Variants in STON2 observed in about 807,000 individuals in gnomAD.
The protein encoded by STON2 is stonin-2.
STON2 carries 29 observed loss-of-function variants against 65.7 expected under a neutral mutation model. That is an observed-to-expected ratio of 0.44 (90% confidence interval 0.33 to 0.60). The LOEUF is 0.60. STON2 is among the 20% of genes least tolerant of loss of function. STON2 has a pLI of 0.03. For synonymous variants in STON2, 404 were observed against 414.2 expected (o/e 0.98, Z 0.30); for missense variants, 1,054 against 1,118.1 (o/e 0.94, Z 0.82).
chr14:81,366,911 G>A lies in STON2; in HGVS notation c.571+4077C>T, dbSNP rs538067621. On this transcript the variant is annotated intron_variant, in intron 4 of 7. Coordinates refer to ENST00000614646, the MANE Select transcript of STON2 (RefSeq NM_001394390.1). ...CCTGTCACCCTGACTGAGCAGGATC[G>A]CTCAGTTCCATTTTACAGATAAGAA... Among the ~76,000 whole-genome samples the A allele has an allele frequency of 2.6e-5, 4 of 152,158 alleles. No individual in the cohort carries two copies. In the South Asian group the frequency reaches 8.3e-4, roughly 32 times the overall value.
chr14:81,387,757 T>A (rs1474780334), intron 3 of STON2, among the ~76,000 whole-genome samples: 1 of 150,960 alleles, frequency 6.6e-6, no homozygotes, highest in Non-Finnish European at 1.5e-5. Context: ...CCAGGCATGG[T>A]GGCGGGTGCC....
intron 2 of STON2, among the ~76,000 whole-genome samples, chr14:81,426,829 A>G (rs1901999601): frequency 6.6e-6 from 1 of 152,230 alleles, no homozygotes; most frequent in African/African-American, 2.4e-5. Context: ...TCGTTTGAGC[A>G]TAACTCACCG....
chr14:81,381,549 GCT>G (rs3044277), intron 3 of STON2, among the ~76,000 whole-genome samples: 81,806 of 151,702 alleles, frequency 0.54, 23,105 homozygotes, highest in East Asian at 0.73. Flanking sequence ...AAAAAAGGAT[GCT>G]CTCAACCTTG....
chr14:81,401,539 C>T (rs1489877530), upstream of STON2, among the ~76,000 whole-genome samples: 7 of 152,148 alleles, frequency 4.6e-5, no homozygotes, highest in African/African-American at 1.7e-4. Flanking sequence ...CAGCTGGAAA[C>T]CCACAGAAGA....
At chr14:81,386,057 A>C (rs536698970) in intron 3 of STON2, among the ~76,000 whole-genome samples, 1 of 152,204 alleles carries the variant, frequency 6.6e-6, no homozygotes, top group African/African-American at 2.4e-5. Flanking sequence ...CGAGAGAGGC[A>C]GTGCAATTAC....
intron 7 of STON2, chr14:81,269,699 C>T: frequency 1.0e-6 from 1 of 985,154 alleles, no homozygotes; most frequent in Non-Finnish European, 1.2e-6. Flanking sequence ...CCATATAAAT[C>T]CAAGGATATT....
intron 2 of STON2, among the ~76,000 whole-genome samples, chr14:81,411,798 G>A (rs1901175349): frequency 6.6e-6 from 1 of 152,218 alleles, no homozygotes; most frequent in African/African-American, 2.4e-5. Flanking sequence ...CTTACATCAT[G>A]AGGGAAAAGG....
At chr14:81,307,958 C>T (rs1426236556) in intron 5 of STON2, among the ~76,000 whole-genome samples, 2 of 152,124 alleles carry the variant, frequency 1.3e-5, no homozygotes, top group Non-Finnish European at 2.9e-5. Flanking sequence ...TTGGGGGTGG[C>T]ATTCCTAACT....
intron 6 of STON2, among the ~76,000 whole-genome samples, chr14:81,274,810 C>G (rs1254379098): frequency 1.3e-5 from 2 of 152,028 alleles, no homozygotes; most frequent in East Asian, 1.9e-4. Flanking sequence ...AAGACTGATG[C>G]AGGAGAATCG....
intron 3 of STON2, among the ~76,000 whole-genome samples, chr14:81,381,115 T>C (rs747015275): frequency 6.6e-6 from 1 of 152,168 alleles, no homozygotes; most frequent in Non-Finnish European, 1.5e-5. Flanking sequence ...CAATAAAACA[T>C]TGTATTAGAA....
chr14:81,303,243 C>A, intron 5 of STON2, among the ~76,000 whole-genome samples: 1 of 152,090 alleles, frequency 6.6e-6, no homozygotes, highest in East Asian at 1.9e-4. Context: ...GAAGGGCAAG[C>A]CTTCAATGTG....
chr14:81,420,606 T>C (rs1017141258), intron 2 of STON2, among the ~76,000 whole-genome samples: 8 of 152,074 alleles, frequency 5.3e-5, no homozygotes, highest in Non-Finnish European at 8.8e-5. Flanking sequence ...GATGGGTGCA[T>C]AGGAGTGACA....
rs907673228 is a variant in STON2, at chr14:81,322,549, C to T, written c.742+1468G>A. Among the ~76,000 whole-genome samples the T allele has an allele frequency of 2.6e-5, 4 of 151,934 alleles. No homozygotes were observed. In the East Asian group the frequency reaches 7.7e-4, roughly 29 times the overall value. Reference sequence around the variant, plus strand: ...TAATCAGCCAAGGGGAAACTAGAGCCGCAAAAAAACAAACTACTGGCATTA... The same window carrying T: ...TAATCAGCCAAGGGGAAACTAGAGCTGCAAAAAAACAAACTACTGGCATTA... On this transcript the variant is annotated intron_variant, in intron 5 of 7. Coordinates refer to ENST00000614646, the MANE Select transcript of STON2 (RefSeq NM_001394390.1).
chr14:81,305,763 G>A (rs919428706), intron 5 of STON2, among the ~76,000 whole-genome samples: 3 of 150,904 alleles, frequency 2.0e-5, no homozygotes, highest in Admixed American at 6.6e-5. Context: ...TTTAAGTCTC[G>A]TTTAAGATAT....
At chr14:81,308,715 G>T (rs1316653295) in intron 5 of STON2, among the ~76,000 whole-genome samples, 1 of 147,950 alleles carries the variant, frequency 6.8e-6, no homozygotes, top group Non-Finnish European at 1.5e-5. Context: ...GAGAATAAAA[G>T]AACTGAGGGA....
chr14:81,432,717 C>G (rs894199603), intron 1 of STON2, among the ~76,000 whole-genome samples: 3 of 152,130 alleles, frequency 2.0e-5, no homozygotes, highest in Non-Finnish European at 4.4e-5. Flanking sequence ...TTCTCTGGAC[C>G]CAAGCTTTTT....
chr14:81,283,797 G>A (rs1895226751), intron 5 of STON2, among the ~76,000 whole-genome samples: 1 of 152,150 alleles, frequency 6.6e-6, no homozygotes, highest in South Asian at 2.1e-4. Context: ...CCAGAGTGCT[G>A]GGATTACAGG....
rs1201688499 is a variant in STON2 at position 81,270,685 on chromosome 14, T to C, written c.2769A>G (p.Ala923=). The change falls in exon 7 of 8, where the codon GCA becomes GCG. Residue 923 remains alanine (A), a synonymous_variant. Coordinates refer to ENST00000614646, the MANE Select transcript of STON2 (RefSeq NM_001394390.1). The stretch of plus-strand genomic sequence containing the variant: ...CCAAGGCTACCTGGTAGCTGTAGTG[T>C]GCAGAATAATTGACCCACTTCCTGA... ...TDVRKWVNYS[A]HYSYQVEIEQ... 6.2e-7 allele frequency: 1 copy of C among 1,614,074 alleles called. No individual in the cohort carries two copies. The highest frequency in any genetic ancestry group is 8.5e-7 in the Non-Finnish European group (1 of 1,180,052).
chr14:81,372,302 C>A (rs1899035217), intron 3 of STON2, among the ~76,000 whole-genome samples: 1 of 151,956 alleles, frequency 6.6e-6, no homozygotes, highest in African/African-American at 2.4e-5. Context: ...GCCTGTAATC[C>A]CAGGACTTTG....
Sources: allele counts gnomAD v4.1 joint callset (sites outside exome capture counted in the v4.1 genomes callset), GRCh38; gene constraint gnomAD v4.1.1; transcripts MANE v1.5; gene names NCBI Gene and HGNC (gene_info 2026-07-23, HGNC 2026-07-21).